Variants in SNRNP200 observed in about 807,000 individuals in gnomAD.
SNRNP200 encodes the protein small nuclear ribonucleoprotein U5 subunit 200.
In SNRNP200, 66 loss-of-function variants were observed where a neutral mutation model predicts 255.2. The observed-to-expected ratio is 0.26, with a 90% CI of 0.21 to 0.32. SNRNP200 has a LOEUF of 0.32. Ranked by LOEUF, SNRNP200 falls within the 10% of genes least tolerant of loss-of-function variation. SNRNP200 has a pLI of 1.00. For synonymous variants in SNRNP200, 939 were observed against 1,027.8 expected (o/e 0.91, Z 1.65); for missense variants, 1,585 against 2,749.8 (o/e 0.58, Z 9.47).
chr2:96,304,603 C>T, intron 2 of SNRNP200, 102 bp downstream of exon 2: 1 of 1,477,784 alleles, frequency 6.8e-7, no homozygotes, highest in Non-Finnish European at 9.4e-7. Context: ...TGTTTTAATG[C>T]CACTGATCTT....
intron 8 of SNRNP200, 39 bp from the exon 9 acceptor site, chr2:96,298,459 G>A (rs775410502): frequency 3.1e-6 from 5 of 1,613,404 alleles, no homozygotes; most frequent in South Asian, 2.2e-5. Context: ...TGAGGAGGAG[G>A]AAATAAGGCA....
rs1018652734 is a variant in SNRNP200, at chr2:96,279,483, G to A, written c.5101C>T (p.Arg1701Cys). Residue 1701 changes from arginine to cysteine, a missense_variant, in exon 36 of 45, where the codon CGC becomes TGC. Coordinates refer to ENST00000323853, the MANE Select transcript of SNRNP200 (RefSeq NM_014014.5). ...ANRPLQDDEGRCVIMCQGSKK... is the reference protein window; with the variant it reads ...ANRPLQDDEGCCVIMCQGSKK... ...GAGCCCTGACACATGATGACACAGC[G>A]CCCCTCATCGTCCTGCAAAGGGCGG... 6 of 1,613,894 alleles carry A rather than the reference G, an allele frequency of 3.7e-6. 1 individual carries two copies. The highest frequency in any genetic ancestry group is 4.5e-5 in the East Asian group (2 of 44,882).
intron 34 of SNRNP200, 177 bp from the exon 35 acceptor site, chr2:96,282,099 A>C: frequency 1.7e-6 from 1 of 602,692 alleles, no homozygotes; most frequent in Non-Finnish European, 3.0e-6. Flanking sequence ...AGGTAGCTCC[A>C]CGCTGCTGGT....
At chr2:96,279,897 AATT>A (rs1684730482) in intron 35 of SNRNP200, 2 of 324,488 alleles carry the variant, frequency 6.2e-6, no homozygotes, top group South Asian at 2.7e-5. Flanking sequence ...AATTAAAAAA[AATT>A]ATTATTGTTT....
Position 96,287,773 on chromosome 2 carries a change from G to A in SNRNP200, c.3365+90C>T. ...TCATACTTCCGATGTCAGGTCTGGA[G>A]ATCAGATGCACCCTGAGGCTTTCCC... On this transcript the variant is annotated intron_variant, in intron 25 of 44. Coordinates refer to ENST00000323853, the MANE Select transcript of SNRNP200 (RefSeq NM_014014.5). This position sits in a 1 kb window ranked among gnomAD's most constrained non-coding sequence, Gnocchi z 5.7. 1.8e-6 allele frequency: 2 copies of A among 1,136,222 alleles called. No individual in the cohort carries two copies. The highest frequency in any genetic ancestry group is 2.7e-6 in the Non-Finnish European group (2 of 744,548). The allele number at this position is 1,136,222 out of a possible 1,614,324, so 70.4% of individuals were successfully genotyped here. A position where few individuals can be genotyped will look rare whatever the true frequency, so the allele number is the denominator to read the frequency against.
Position 96,279,448 on chromosome 2 carries a change from G to A in SNRNP200, c.5133+3C>T, listed in dbSNP as rs987232332. On this transcript the variant is annotated splice_donor_region_variant and intron_variant, in intron 36 of 44. Transcript: ENST00000323853. ...CAAGAGGCTCCATGAGTCTAGGACT[G>A]ACCTTCTTGGAGCCCTGACACATGA... 35 of 1,603,638 alleles carry A rather than the reference G, an allele frequency of 2.2e-5. No individual in the cohort carries two copies. Among genetic ancestry groups the A allele is most frequent in the Non-Finnish European group, 2.6e-5 (30 of 1,170,650 alleles).
At chr2:96,285,434 C>T (rs534023096) in intron 29 of SNRNP200, 94 bp from the exon 30 acceptor site, 17 of 1,431,758 alleles carry the variant, frequency 1.2e-5, no homozygotes, top group South Asian at 8.1e-5. Context: ...GGACAACATA[C>T]GAAATGAAGT....
In SNRNP200 at chr2:96,277,206, C is replaced by G. The variant is rs773931836; in HGVS notation, c.5967G>C (p.Glu1989Asp). Residue 1989 changes from glutamate to aspartate, a missense_variant, in exon 42 of 45, where the codon GAG (glutamate) becomes GAC (aspartate). This residue lies in a region of SNRNP200 where 279 missense variants were observed against 551.2 expected (regional missense o/e 0.51). Coordinates refer to ENST00000323853, the MANE Select transcript of SNRNP200 (RefSeq NM_014014.5). This position sits in a 1 kb window ranked among gnomAD's most constrained non-coding sequence, Gnocchi z 4.4. ...GAAGCAACGCGTTCCGTTCTTCATCCTCCATCTCCATGATGTCGAAAACAC... is the reference window on the plus strand; with the variant it reads ...GAAGCAACGCGTTCCGTTCTTCATCGTCCATCTCCATGATGTCGAAAACAC... ...VESVFDIMEMEDEERNALLQL... is the reference protein window; with the variant it reads ...VESVFDIMEMDDEERNALLQL... The G allele has an allele frequency of 6.2e-7, 1 of 1,614,218 alleles. No homozygotes were observed. Among genetic ancestry groups the G allele is most frequent in the South Asian group, 1.1e-5 (1 of 91,078 alleles).
chr2:96,284,440 C>T lies in SNRNP200; in HGVS notation c.4310G>A (p.Arg1437Gln). ...CACGTTCTTGCGCTGCTTCCATCGC[C>T]GGGAAAGTATGTCCCACTTCTCAGG... is the stretch of plus-strand genomic sequence containing the variant. ...STPEKWDILSRRWKQRKNVQN... is the reference protein window; with the variant it reads ...STPEKWDILSQRWKQRKNVQN... Residue 1437 changes from arginine (R) to glutamine (Q), a missense_variant, in exon 31 of 45, where the codon CGG becomes CAG. Physicochemically the swap from Arg to Gln is conservative, Grantham distance 43. This residue lies in a region of SNRNP200 where 719 missense variants were observed against 1,091.1 expected (regional missense o/e 0.66). Transcript: ENST00000323853. 6.2e-7 allele frequency: 1 copy of T among 1,614,142 alleles called. No individual in the cohort carries two copies. The highest frequency in any genetic ancestry group is 8.5e-7 in the Non-Finnish European group (1 of 1,180,022).
intron 24 of SNRNP200, among the ~76,000 whole-genome samples, chr2:96,288,415 T>G (rs1004862601): frequency 6.6e-6 from 1 of 152,232 alleles, no homozygotes; most frequent in African/African-American, 2.4e-5. Context: ...TGGCTCTTCC[T>G]GTCTCTCTGA....
rs761238973 is a variant in SNRNP200, at chr2:96,283,651, A to G, written c.4647T>C (p.Ala1549=). 2.7e-5 allele frequency: 43 copies of G among 1,614,176 alleles called. No homozygotes were observed. Among genetic ancestry groups the G allele is most frequent in the Non-Finnish European group, 3.6e-5 (43 of 1,180,040 alleles). Reference sequence around the variant, plus strand: ...GCTTCTTGGGCGAGTGCTTGGTGATAGCATGGTACACAGGCTTGGCCATGG... The same window carrying G: ...GCTTCTTGGGCGAGTGCTTGGTGATGGCATGGTACACAGGCTTGGCCATGG... ...LLSMAKPVYH[A]ITKHSPKKPV... The change falls in exon 33 of 45, where the codon GCT becomes GCC. Residue 1549 remains alanine, a synonymous_variant. Coordinates refer to ENST00000323853, the MANE Select transcript of SNRNP200 (RefSeq NM_014014.5). The surrounding 1 kb of genome is among the most constrained non-coding windows in gnomAD (Gnocchi z 4.7).
In SNRNP200 at chr2:96,297,661, G is replaced by T; in HGVS notation, c.1179C>A (p.Thr393=). ...CCTCTCCACCCTGGTCGAGATCCAT[G>T]GTTTCCAGATCTGTGTCCATTCGAG... The part of the protein sequence containing the change: ...RQSRMDTDLE[T]MDLDQGGEAL... The change falls in exon 10 of 45, where the codon ACC becomes ACA. Residue 393 remains threonine, a synonymous_variant. Coordinates refer to ENST00000323853, the MANE Select transcript of SNRNP200 (RefSeq NM_014014.5). 6.2e-7 allele frequency: 1 copy of T among 1,614,212 alleles called. No homozygotes were observed. The highest frequency in any genetic ancestry group is 8.5e-7 in the Non-Finnish European group (1 of 1,180,032).
chr2:96,297,870 C>G (rs1017644259), intron 9 of SNRNP200, 150 bp from the exon 10 acceptor site: 1 of 835,016 alleles, frequency 1.2e-6, no homozygotes, highest in Non-Finnish European at 2.0e-6. Context: ...TGGGGACCAC[C>G]AGAATGATCA....
chr2:96,299,753 T>C (rs1263666048), intron 5 of SNRNP200, among the ~76,000 whole-genome samples: 2 of 152,202 alleles, frequency 1.3e-5, no homozygotes, highest in African/African-American at 4.8e-5. Flanking sequence ...TACAGAGGCA[T>C]GCCTGGGAAA....
intron 2 of SNRNP200, among the ~76,000 whole-genome samples, chr2:96,304,435 G>A (rs372458716): frequency 9.2e-5 from 14 of 152,278 alleles, no homozygotes; most frequent in African/African-American, 3.4e-4. Flanking sequence ...GGAATAGCAA[G>A]GGTCTTGAAA....
chr2:96,279,334 A>T, intron 36 of SNRNP200, 117 bp downstream of exon 36: 1 of 789,664 alleles, frequency 1.3e-6, no homozygotes, highest in Non-Finnish European at 2.2e-6. Flanking sequence ...AGAATTGTGT[A>T]AATAAGAGAG....
At chr2:96,275,180 G>GATGAGC (rs751324416) in intron 44 of SNRNP200, 25 bp from the exon 45 acceptor site, 2 of 1,614,224 alleles carry the variant, frequency 1.2e-6, no homozygotes, top group Non-Finnish European at 1.7e-6. Context: ...CAGAAATCAA[G>GATGAGC]ATGAGCATGG....
At chr2:96,282,328 G>A (rs1157963045) in intron 34 of SNRNP200, 1 of 222,988 alleles carries the variant, frequency 4.5e-6, no homozygotes, top group Admixed American at 5.1e-5. Context: ...GTGACAGGAA[G>A]TGATTCTGGC....
rs776021987 is a variant in SNRNP200 at position 96,277,721 on chromosome 2, C to A, written c.5755-6G>T. ...GCCTGGATGAGCCGGATTGCCTGAA[C>A]AGGAAAAGGAGTATAAAAGTGGGCG... On this transcript the variant is annotated splice_polypyrimidine_tract_variant and splice_region_variant and intron_variant, in intron 40 of 44. Coordinates refer to ENST00000323853, the MANE Select transcript of SNRNP200 (RefSeq NM_014014.5). This position sits in a 1 kb window ranked among gnomAD's most constrained non-coding sequence, Gnocchi z 4.4. 3.6e-5 allele frequency: 58 copies of A among 1,614,002 alleles called. No homozygotes were observed. Among genetic ancestry groups the A allele is most frequent in the Non-Finnish European group, 4.8e-5 (57 of 1,180,042 alleles).
Sources: allele counts gnomAD v4.1 joint callset (sites outside exome capture counted in the v4.1 genomes callset), GRCh38; gene constraint gnomAD v4.1.1; regional missense constraint gnomAD v4.1.1; non-coding constraint Gnocchi (gnomAD v3.1); transcripts MANE v1.5; gene names NCBI Gene and HGNC (gene_info 2026-07-23, HGNC 2026-07-21).